ERO1B: variants seen among roughly 807,000 people sequenced by gnomAD.
ERO1B encodes endoplasmic reticulum oxidoreductase 1 beta, also known as ERO1-like protein beta.
A neutral mutation model predicts 75.3 loss-of-function variants in ERO1B; 49 were observed. The ratio of observed to expected loss-of-function variants is 0.65; its 90% CI spans 0.52 to 0.83. ERO1B has a LOEUF of 0.83. Ranked by LOEUF, ERO1B falls within the 40% of genes least tolerant of loss-of-function variation. ERO1B has a pLI of 0.00. For missense variants in ERO1B, 512 were observed against 560.1 expected, an observed-to-expected ratio of 0.91 and a Z score of 0.87; for synonymous variants, 191 against 192.9, an observed-to-expected ratio of 0.99 and a Z score of 0.08.
rs73117203 is a variant in ERO1B at position 236,272,083 on chromosome 1, G to A, written c.103-2089C>T. On this transcript the variant is annotated intron_variant, in intron 1 of 15. Transcript: ENST00000354619. Reference sequence around the variant, plus strand: ...ATGTTGGCAAGGATGTGGAAAAAAGGGAATGCTTATACACTGTTAGTGGGA... The same window carrying A: ...ATGTTGGCAAGGATGTGGAAAAAAGAGAATGCTTATACACTGTTAGTGGGA... 4.3e-3 allele frequency among the ~76,000 whole-genome samples: 660 copies of A among 152,236 alleles called. 7 individuals carry two copies. Among genetic ancestry groups the A allele is most frequent in the African/African-American group, 0.015 (619 of 41,542 alleles).
chr1:236,262,346 A>C (rs1280673906), intron 2 of ERO1B, among the ~76,000 whole-genome samples: 2 of 152,136 alleles, frequency 1.3e-5, no homozygotes, highest in African/African-American at 4.8e-5. Context: ...CCAGGTATCC[A>C]CATTGCTTGC....
chr1:236,232,636 C>T (rs1471293681), intron 9 of ERO1B, among the ~76,000 whole-genome samples, 192 bp downstream of exon 9: 3 of 145,552 alleles, frequency 2.1e-5, no homozygotes, highest in Non-Finnish European at 4.6e-5. Flanking sequence ...GAAAAATGGT[C>T]TTTTTTTTTT....
At chr1:236,273,743 T>C (rs1028451517) in intron 1 of ERO1B, among the ~76,000 whole-genome samples, 2 of 149,656 alleles carry the variant, frequency 1.3e-5, no homozygotes, top group Non-Finnish European at 3.0e-5. Context: ...GGGGTCGAGG[T>C]TGCAGTGAGC....
chr1:236,234,075 A>C (rs565757300), intron 8 of ERO1B, among the ~76,000 whole-genome samples: 42 of 152,376 alleles, frequency 2.8e-4, no homozygotes, highest in African/African-American at 1.0e-3. Context: ...AAGATTAAAG[A>C]ACTATTAATC....
At position 236,258,604 on chromosome 1, in the gene ERO1B, C is replaced by A. The variant is rs139037272; in HGVS notation, c.223-5099G>T. ...TAGCAATATTAAAAACATATGAAAA[C>A]GGCTGGGTGCAGGGGCTTACACCTG... On this transcript the variant is annotated intron_variant, in intron 2 of 15. Transcript: ENST00000354619. 6.0e-4 allele frequency among the ~76,000 whole-genome samples: 92 copies of A among 152,140 alleles called. No individual in the cohort carries two copies. In the East Asian group the frequency reaches 0.017, roughly 28 times the overall value.
chr1:236,221,811 C>T, intron 14 of ERO1B, 113 bp downstream of exon 14: 1 of 777,884 alleles, frequency 1.3e-6, no homozygotes, highest in Non-Finnish European at 2.1e-6. Flanking sequence ...TTGGATCTGC[C>T]TATTCCTAAA....
intron 2 of ERO1B, among the ~76,000 whole-genome samples, chr1:236,263,489 A>G (rs1166497067): frequency 6.6e-6 from 1 of 152,032 alleles, no homozygotes; most frequent in Non-Finnish European, 1.5e-5. Flanking sequence ...ACCTCAAGTG[A>G]TGCACCCACC....
intron 2 of ERO1B, among the ~76,000 whole-genome samples, chr1:236,263,710 T>C (rs1286504846): frequency 6.6e-6 from 1 of 151,932 alleles, no homozygotes; most frequent in African/African-American, 2.4e-5. Context: ...TGCATACTTC[T>C]TGATGTACTT....
chr1:236,242,122 T>C (rs1376557398), intron 6 of ERO1B, among the ~76,000 whole-genome samples: 2 of 151,892 alleles, frequency 1.3e-5, no homozygotes, highest in Non-Finnish European at 2.9e-5. Flanking sequence ...GTAATCTACA[T>C]ATCAATTTAT....
At chr1:236,243,715 C>T (rs1180668705) in intron 5 of ERO1B, among the ~76,000 whole-genome samples, 1 of 151,948 alleles carries the variant, frequency 6.6e-6, no homozygotes, top group African/African-American at 2.4e-5. Context: ...CTTAACTATA[C>T]TGAATTATTA....
At chr1:236,248,018 C>A (rs1664926556) in intron 5 of ERO1B, among the ~76,000 whole-genome samples, 1 of 152,176 alleles carries the variant, frequency 6.6e-6, no homozygotes, top group Non-Finnish European at 1.5e-5. Context: ...CATTCATCAT[C>A]ATTTTACTTA....
intron 10 of ERO1B, among the ~76,000 whole-genome samples, 162 bp from the exon 11 acceptor site, chr1:236,226,901 A>C (rs1394503177): frequency 6.6e-6 from 1 of 152,228 alleles, no homozygotes; most frequent in Non-Finnish European, 1.5e-5. Context: ...ACTAGAAGGC[A>C]AAGTAAGATT....
intron 10 of ERO1B, 107 bp from the exon 11 acceptor site, chr1:236,226,846 A>C (rs1664291660): frequency 2.6e-6 from 2 of 769,258 alleles, no homozygotes; most frequent in Admixed American, 2.6e-5. Flanking sequence ...GAACATTAAA[A>C]TAAATCAAGG....
chr1:236,281,599 T>A, intron 1 of ERO1B, 83 bp downstream of exon 1: 1 of 1,032,188 alleles, frequency 9.7e-7, no homozygotes, highest in Non-Finnish European at 1.3e-6. Flanking sequence ...TGCCCGGCCC[T>A]CCCCGCGTCA....
At chr1:236,254,476 A>T (rs912157276) in intron 2 of ERO1B, among the ~76,000 whole-genome samples, 4 of 152,154 alleles carry the variant, frequency 2.6e-5, no homozygotes, top group Admixed American at 2.6e-4. Context: ...CTTAGAGTTT[A>T]TAAACTCTGC....
rs769057560 is a variant in ERO1B at position 236,226,369 on chromosome 1, C to G, written c.952G>C (p.Ala318Pro). Reference protein sequence around the residue: ...LIELRALSKVAPYFERSIVDL... With the variant: ...LIELRALSKVPPYFERSIVDL... The stretch of plus-strand genomic sequence containing the variant: ...ACAATTGAGCGCTCAAAATATGGAG[C>G]CACCTTTGACAAAGCTCGAAGCTCA... The change falls in exon 12 of 16, where the codon GCT becomes CCT. Residue 318 changes from alanine to proline, a missense_variant. Ala to Pro is a conservative substitution (Grantham distance 27). Coordinates refer to ENST00000354619, the MANE Select transcript of ERO1B (RefSeq NM_019891.4). 7 of 1,613,884 alleles carry G rather than the reference C, an allele frequency of 4.3e-6. No individual in the cohort carries two copies. In the Admixed American group the frequency reaches 6.7e-5, roughly 15 times the overall value.
intron 13 of ERO1B, among the ~76,000 whole-genome samples, chr1:236,223,748 A>G (rs562878542): frequency 6.6e-6 from 1 of 152,348 alleles, no homozygotes; most frequent in East Asian, 1.9e-4. Context: ...ATCATTCTGA[A>G]GATTAAAAGT....
chr1:236,221,020 A>G (rs1471809313), intron 14 of ERO1B, 55 bp from the exon 15 acceptor site: 16 of 1,304,736 alleles, frequency 1.2e-5, no homozygotes, highest in Non-Finnish European at 1.5e-5. Flanking sequence ...TAACTAGTAA[A>G]AAGGCTTAAA....
At chr1:236,277,557 G>GGGGCT in intron 1 of ERO1B, among the ~76,000 whole-genome samples, 1 of 152,176 alleles carries the variant, frequency 6.6e-6, no homozygotes, top group Admixed American at 6.5e-5. Context: ...TACAAGTGAA[G>GGGGCT]GGGCTGCCTT....
Sources: gnomAD v4.1 joint callset for allele counts (sites outside exome capture counted in the v4.1 genomes callset) on GRCh38, gnomAD v4.1.1 for gene constraint, MANE v1.5 for transcripts, NCBI Gene and HGNC (gene_info 2026-07-23, HGNC 2026-07-21) for gene names.